Variants in GGA2 observed in about 807,000 individuals in gnomAD.
GGA2 encodes ADP-ribosylation factor-binding protein GGA2.
GGA2 carries 48 observed loss-of-function variants against 79.5 expected under a neutral mutation model. The ratio of observed to expected loss-of-function variants is 0.60; its 90% confidence interval spans 0.48 to 0.77. GGA2 has a LOEUF of 0.77. Ranked by LOEUF, GGA2 falls within the 30% of genes least tolerant of loss-of-function variation. GGA2 has a pLI of 0.00. For synonymous variants in GGA2, 317 were observed against 302.0 expected (o/e 1.05, Z -0.51); for missense variants, 770 against 774.0 (o/e 0.99, Z 0.06).
chr16:23,508,923 T>C (rs1257122001), intron 1 of GGA2, among the ~76,000 whole-genome samples: 1 of 152,068 alleles, frequency 6.6e-6, no homozygotes, highest in East Asian at 1.9e-4. Context: ...CTAGCCTAGA[T>C]TTCTCCTTGT....
chr16:23,480,739 G>A lies in GGA2; in HGVS notation c.912C>T (p.Thr304=), dbSNP rs1567361725. 6.2e-7 allele frequency: 1 copy of A among 1,611,674 alleles called. No homozygotes were observed. Among genetic ancestry groups the A allele is most frequent in the Non-Finnish European group, 8.5e-7 (1 of 1,177,984 alleles). Residue 304 remains threonine, a synonymous_variant, in exon 10 of 17, where the codon ACC becomes ACT. Coordinates refer to ENST00000309859, the MANE Select transcript of GGA2 (RefSeq NM_015044.4). ...AEILQANDLL[T]QGVLLYKQVM... is the part of the protein sequence containing the mutation. Reference sequence around the variant, plus strand: ...CCTGTTTGTACAGCAGAACTCCTTGGGTGAGGAGGTCATTTGCCTGGAGAA... The same window carrying A: ...CCTGTTTGTACAGCAGAACTCCTTGAGTGAGGAGGTCATTTGCCTGGAGAA...
intron 14 of GGA2, among the ~76,000 whole-genome samples, chr16:23,472,599 T>C (rs1457850452): frequency 6.6e-6 from 1 of 151,694 alleles, no homozygotes; most frequent in East Asian, 2.0e-4. Flanking sequence ...TCCCAGCTAC[T>C]TGGGAGGCCA....
rs765478283 is a variant in GGA2, at chr16:23,478,827, G to A, written c.1158+56C>T. ...CTCGCCAGGCAGTGCTGCCTCACAA[G>A]GGCAGGTCTGAGACCCTCCCATTCT... is the stretch of plus-strand genomic sequence containing the variant. On this transcript the variant is annotated intron_variant, in intron 12 of 16. Transcript: ENST00000309859. 1.9e-5 allele frequency: 24 copies of A among 1,234,706 alleles called. No individual in the cohort carries two copies. In the South Asian group the frequency reaches 2.5e-4, roughly 13 times the overall value. The allele number at this position is 1,234,706 out of a possible 1,614,324, so 76.5% of individuals were successfully genotyped here. A position where few individuals can be genotyped will look rare whatever the true frequency, so the allele number is the denominator to read the frequency against.
chr16:23,491,205 A>C (rs1299142419), intron 5 of GGA2, among the ~76,000 whole-genome samples: 1 of 150,034 alleles, frequency 6.7e-6, no homozygotes, highest in Non-Finnish European at 1.5e-5. Context: ...TGCTTGGGAG[A>C]CTGAGGCAGG....
chr16:23,480,552 C>T (rs1349218546), intron 10 of GGA2, 93 bp downstream of exon 10: 1 of 1,116,862 alleles, frequency 9.0e-7, no homozygotes, highest in African/African-American at 1.5e-5. Flanking sequence ...CATTTCTATT[C>T]CTTAACCCAG....
Position 23,486,105 on chromosome 16 carries a change from C to A in GGA2, c.708G>T (p.Glu236Asp). 6.2e-7 allele frequency: 1 copy of A among 1,613,736 alleles called. No homozygotes were observed. The highest frequency in any genetic ancestry group is 8.5e-7 in the Non-Finnish European group (1 of 1,179,610). The change falls in exon 8 of 17, where the codon GAG becomes GAT. Residue 236 changes from glutamate (E) to aspartate (D), a missense_variant. Coordinates refer to ENST00000309859, the MANE Select transcript of GGA2 (RefSeq NM_015044.4). ...GCACCTTCACATGGCTTCGCACTTC[C>A]TCCACCGCACTGACCCTCTTGGACA... ...EKVSKRVSAV[E>D]EVRSHVKVLQ...
At chr16:23,524,294 C>A (rs566933362), upstream of GGA2, 8 of 1,307,942 alleles carry the variant, frequency 6.1e-6, no homozygotes, top group East Asian at 1.8e-4. Context: ...GGCCCCAGGC[C>A]TCCTTCTGGT....
chr16:23,474,713 A>G (rs1056411044), intron 14 of GGA2, among the ~76,000 whole-genome samples, 191 bp downstream of exon 14: 10 of 151,954 alleles, frequency 6.6e-5, no homozygotes, highest in Non-Finnish European at 1.3e-4. Flanking sequence ...CAGCCTCCCA[A>G]AGTGCTGGGA....
chr16:23,510,536 C>T (rs1273188193), upstream of GGA2: 1 of 376,814 alleles, frequency 2.7e-6, no homozygotes, highest in Non-Finnish European at 4.5e-6. Context: ...GGGCCGCTGG[C>T]GCCACGCCCA....
In GGA2 at chr16:23,491,665, G is replaced by A. The variant is rs1181308297; in HGVS notation, c.475+12C>T. Reference sequence around the variant, plus strand: ...GTCAAGAGGAAATAAGACACAGTAAGGCAAGTCAGACCTTGTTTCTTCAGC... The same window carrying A: ...GTCAAGAGGAAATAAGACACAGTAAAGCAAGTCAGACCTTGTTTCTTCAGC... On this transcript the variant is annotated intron_variant, in intron 5 of 16. Coordinates refer to ENST00000309859, the MANE Select transcript of GGA2 (RefSeq NM_015044.4). The A allele has an allele frequency of 2.5e-6, 4 of 1,612,074 alleles. No homozygotes were observed. The highest frequency in any genetic ancestry group is 3.4e-6 in the Non-Finnish European group (4 of 1,178,612).
intron 5 of GGA2, among the ~76,000 whole-genome samples, chr16:23,491,129 G>C (rs1964779705): frequency 6.6e-6 from 1 of 151,726 alleles, no homozygotes; most frequent in Non-Finnish European, 1.5e-5. Context: ...GTTGGGGTGT[G>C]GGTGGGAGAA....
rs1430034028 is a variant in GGA2 at position 23,478,419 on chromosome 16, G to A, written c.1241C>T (p.Ala414Val). Residue 414 changes from alanine to valine, a missense_variant, in exon 13 of 17, where the codon GCA (alanine) becomes GTA (valine). By Grantham distance (64) the Ala-to-Val change is moderately conservative. Transcript: ENST00000309859. ...LPGGGVQNPS[A>V]DRNLLDLLSA... ...GAGGAGGTCCAGCAAATTCCTGTCT[G>A]CAGAAGGGTTCTGAACACCACCGCC... is the stretch of plus-strand genomic sequence containing the variant. 1.2e-6 allele frequency: 2 copies of A among 1,611,482 alleles called. No individual in the cohort carries two copies. Among genetic ancestry groups the A allele is most frequent in the South Asian group, 2.2e-5 (2 of 90,818 alleles).
upstream of GGA2, among the ~76,000 whole-genome samples, chr16:23,511,855 A>T (rs1349245071): frequency 2.0e-5 from 3 of 152,224 alleles, no homozygotes; most frequent in Admixed American, 6.5e-5. Context: ...ATCTGGAAAA[A>T]AAGGAAGATA....
intron 14 of GGA2, among the ~76,000 whole-genome samples, chr16:23,473,662 A>G (rs1189239381): frequency 1.3e-5 from 2 of 151,978 alleles, no homozygotes; most frequent in African/African-American, 4.8e-5. Flanking sequence ...CATTTTGAAC[A>G]TGTATTTTTG....
intron 1 of GGA2, among the ~76,000 whole-genome samples, chr16:23,499,894 G>A (rs1228560916): frequency 2.6e-5 from 4 of 152,220 alleles, no homozygotes; most frequent in African/African-American, 9.6e-5. Flanking sequence ...GGCGGGGCCT[G>A]GTGAACCACG....
rs1268683679 is a variant in GGA2, at chr16:23,510,333, C to G, written c.79G>C (p.Glu27Gln). The G allele has an allele frequency of 7.0e-7, 1 of 1,436,652 alleles. No individual in the cohort carries two copies. The highest frequency in any genetic ancestry group is 1.5e-5 in the African/African-American group (1 of 67,552). The allele number at this position is 1,436,652 out of a possible 1,614,324, so 89.0% of individuals were successfully genotyped here. A position where few individuals can be genotyped will look rare whatever the true frequency, so the allele number is the denominator to read the frequency against. Residue 27 changes from glutamate (E) to glutamine (Q), a missense_variant, in exon 1 of 17, where the codon GAG (glutamate) becomes CAG (glutamine). Transcript: ENST00000309859. The stretch of plus-strand genomic sequence containing the variant: ...CCAGGCTACTCACTGAGCCACAGCT[C>G]CAGCGACGCTGCCGGGCCCGGGGGA... Reference protein sequence around the residue: ...QGPPGPAASLELWLNKATDPS... With the variant: ...QGPPGPAASLQLWLNKATDPS...
intron 13 of GGA2, 106 bp from the exon 14 acceptor site, chr16:23,475,167 CACAG>C: frequency 1.6e-6 from 1 of 622,470 alleles, no homozygotes; most frequent in Non-Finnish European, 2.8e-6. Context: ...CACACACACA[CACAG>C]AGTTAGATGT....
chr16:23,476,116 C>T (rs1596978384), intron 13 of GGA2, among the ~76,000 whole-genome samples: 1 of 152,144 alleles, frequency 6.6e-6, no homozygotes, highest in Non-Finnish European at 1.5e-5. Context: ...GCAGATGATA[C>T]ACAAATTATA....
chr16:23,467,329 T>C lies in GGA2; in HGVS notation c.*261A>G, dbSNP rs2142109888. Reference sequence around the variant, plus strand: ...TAGCAGAGATGATGATGATGAGAAATGCTTCGCATTTCCCACACTGCCGAT... The same window carrying C: ...TAGCAGAGATGATGATGATGAGAAACGCTTCGCATTTCCCACACTGCCGAT... On this transcript the variant is annotated 3_prime_UTR_variant, in exon 17 of 17. Coordinates refer to ENST00000309859, the MANE Select transcript of GGA2 (RefSeq NM_015044.4). The C allele has an allele frequency of 2.4e-6, 1 of 423,534 alleles. No individual in the cohort carries two copies. The highest frequency in any genetic ancestry group is 4.3e-6 in the Non-Finnish European group (1 of 234,700). The allele number at this position is 423,534 out of a possible 1,614,324, so 26.2% of individuals were successfully genotyped here.
Sources: gnomAD v4.1 joint callset for allele counts (sites outside exome capture counted in the v4.1 genomes callset) on GRCh38, gnomAD v4.1.1 for gene constraint, MANE v1.5 for transcripts, NCBI Gene and HGNC (gene_info 2026-07-23, HGNC 2026-07-21) for gene names.